MTERF4: variants seen among roughly 807,000 people sequenced by gnomAD.
MTERF4 encodes the protein mitochondrial transcription termination factor 4, also known as transcription termination factor 4, mitochondrial.
MTERF4 carries 17 observed loss-of-function variants against 22.5 expected under a neutral mutation model. The ratio of observed to expected loss-of-function variants is 0.75; its 90% CI spans 0.52 to 1.13. The LOEUF is 1.13. Ranked by LOEUF, MTERF4 falls within the 50% of genes most tolerant of loss-of-function variation. The pLI is 0.00. For missense variants in MTERF4, 420 were observed against 466.8 expected (o/e 0.90, Z 0.92); for synonymous variants, 165 against 175.3 (o/e 0.94, Z 0.47).
downstream of MTERF4, chr2:241,087,308 CT>C: frequency 7.6e-7 from 1 of 1,310,724 alleles, no homozygotes; most frequent in East Asian, 2.6e-5. Flanking sequence ...TTCAGGTTTA[CT>C]GTGGGTTCAC....
chr2:241,082,417 C>T (rs2063373272), downstream of MTERF4: 1 of 1,392,536 alleles, frequency 7.2e-7, no homozygotes, highest in Non-Finnish European at 1.0e-6. Context: ...GTTCTTGACT[C>T]CTCAAAGTGC....
At chr2:241,089,897 C>T (rs965248971), downstream of MTERF4, 42 of 1,512,586 alleles carry the variant, frequency 2.8e-5, no homozygotes, top group Non-Finnish European at 3.5e-5. Flanking sequence ...TGTAGGCGGT[C>T]GTAACACAGT....
At chr2:241,069,096 C>G, downstream of MTERF4, 2 of 1,034,746 alleles carry the variant, frequency 1.9e-6, no homozygotes, top group Non-Finnish European at 2.8e-6. This position sits in a 1 kb window ranked among gnomAD's most constrained non-coding sequence, Gnocchi z 4.9. Flanking sequence ...TCCAGCCTCC[C>G]CTAGTCCTCT....
Position 241,096,969 on chromosome 2 carries a change from T to G in MTERF4, c.705+274A>C. On this transcript the variant is annotated intron_variant, in intron 3 of 3. Coordinates refer to ENST00000391980, the MANE Select transcript of MTERF4 (RefSeq NM_182501.4). The surrounding 1 kb of genome is among the most constrained non-coding windows in gnomAD (Gnocchi z 5.1). Reference sequence around the variant, plus strand: ...TCATTCATTATTAATGGCAGAAAAGTTGAAGAATAGGTTTGATCTGTAGTA... The same window carrying G: ...TCATTCATTATTAATGGCAGAAAAGGTGAAGAATAGGTTTGATCTGTAGTA... 3.4e-6 allele frequency: 2 copies of G among 586,372 alleles called. No individual in the cohort carries two copies. The allele number at this position is 586,372 out of a possible 1,614,324, so 36.3% of individuals were successfully genotyped here.
At chr2:241,068,117 C>A (rs2062541868), downstream of MTERF4, among the ~76,000 whole-genome samples, 1 of 152,092 alleles carries the variant, frequency 6.6e-6, no homozygotes, top group Admixed American at 6.5e-5. This position sits in a 1 kb window ranked among gnomAD's most constrained non-coding sequence, Gnocchi z 5.3. Flanking sequence ...ACCCTGGAGG[C>A]TTCACTCCCG....
intron 4 of MTERF4, among the ~76,000 whole-genome samples, chr2:241,079,751 T>G (rs775595768): frequency 6.6e-6 from 1 of 152,136 alleles, no homozygotes; most frequent in Non-Finnish European, 1.5e-5. Context: ...GAAAAAAATA[T>G]CATTGCAAGC....
chr2:241,096,941 G>A lies in MTERF4; in HGVS notation c.705+302C>T. On this transcript the variant is annotated intron_variant, in intron 3 of 3. Transcript: ENST00000391980. This position sits in a 1 kb window ranked among gnomAD's most constrained non-coding sequence, Gnocchi z 5.1. Reference sequence around the variant, plus strand: ...CCACTTAGACTCTAAGAATAGGACTGGATCATTCATTATTAATGGCAGAAA... The same window carrying A: ...CCACTTAGACTCTAAGAATAGGACTAGATCATTCATTATTAATGGCAGAAA... 1.7e-6 allele frequency: 1 copy of A among 586,912 alleles called. No individual in the cohort carries two copies. The highest frequency in any genetic ancestry group is 2.8e-5 in the East Asian group (1 of 35,402). The allele number at this position is 586,912 out of a possible 1,614,324, so 36.4% of individuals were successfully genotyped here.
At chr2:241,082,597 C>T (rs1281166721), downstream of MTERF4, among the ~76,000 whole-genome samples, 2 of 152,338 alleles carry the variant, frequency 1.3e-5, no homozygotes, top group East Asian at 1.9e-4. Context: ...GAGAAGAACG[C>T]AGGCTCCTGG....
chr2:241,060,268 C>T, the MTERF4 span, among the ~76,000 whole-genome samples: 3 of 151,968 alleles, frequency 2.0e-5, no homozygotes, highest in East Asian at 5.8e-4. Context: ...CTGCAACCTC[C>T]GCCTCCCTGG....
chr2:241,073,306 C>T lies in MTERF4; in HGVS notation n.2856G>A, dbSNP rs1358716370. On this transcript the variant is annotated non_coding_transcript_exon_variant, in exon 5 of 5. Coordinates refer to the MTERF4 transcript ENST00000464344. This position sits in a 1 kb window ranked among gnomAD's most constrained non-coding sequence, Gnocchi z 6.6. Reference sequence around the variant, plus strand: ...CGCAGCTCGAGAACATGGAGGAAGCCCCCAAGCGGGTCAGCCTGGCCCTCC... The same window carrying T: ...CGCAGCTCGAGAACATGGAGGAAGCTCCCAAGCGGGTCAGCCTGGCCCTCC... The T allele has an allele frequency of 6.4e-7, 1 of 1,572,164 alleles. No individual in the cohort carries two copies. Among genetic ancestry groups the T allele is most frequent in the Non-Finnish European group, 8.6e-7 (1 of 1,160,024 alleles).
the MTERF4 span, among the ~76,000 whole-genome samples, chr2:241,047,708 G>C: frequency 6.6e-6 from 1 of 152,250 alleles, no homozygotes; most frequent in Non-Finnish European, 1.5e-5. Context: ...GCCCCTGGGT[G>C]GTCTCTCTGG....
At chr2:241,042,911 G>A in the MTERF4 span, among the ~76,000 whole-genome samples, 1 of 152,200 alleles carries the variant, frequency 6.6e-6, no homozygotes, top group Non-Finnish European at 1.5e-5. Context: ...AGTCTGCGAA[G>A]GAGGATGGAG....
Position 241,073,707 on chromosome 2 carries a change from A to G in MTERF4, n.2455T>C. The G allele has an allele frequency of 2.3e-6, 1 of 437,820 alleles. No homozygotes were observed. Among genetic ancestry groups the G allele is most frequent in the South Asian group, 6.1e-5 (1 of 16,340 alleles). The allele number at this position is 437,820 out of a possible 1,614,324, so 27.1% of individuals were successfully genotyped here. On this transcript the variant is annotated non_coding_transcript_exon_variant, in exon 5 of 5. Transcript: ENST00000464344. The surrounding 1 kb of genome is among the most constrained non-coding windows in gnomAD (Gnocchi z 6.6). ...CCCAGCCCCTGCCTCTGGGCCCCTCACCCCTCACTTCTCCAAAGAGGAGCA... is the reference window on the plus strand; with the variant it reads ...CCCAGCCCCTGCCTCTGGGCCCCTCGCCCCTCACTTCTCCAAAGAGGAGCA...
chr2:241,102,281 A>C lies in MTERF4; in HGVS notation c.-8T>G. On this transcript the variant is annotated 5_prime_UTR_variant, in exon 1 of 4. Coordinates refer to ENST00000391980, the MANE Select transcript of MTERF4 (RefSeq NM_182501.4). ...ACGGCCGAACGCAGCCATAGCGCGGAGAAGATGGCAGCAGTTACGGCGCCG... is the reference window on the plus strand; with the variant it reads ...ACGGCCGAACGCAGCCATAGCGCGGCGAAGATGGCAGCAGTTACGGCGCCG... 1 of 1,549,098 alleles carries C rather than the reference A, an allele frequency of 6.5e-7. No individual in the cohort carries two copies. The highest frequency in any genetic ancestry group is 1.2e-5 in the South Asian group (1 of 84,028).
chr2:241,065,941 G>A, the MTERF4 span, among the ~76,000 whole-genome samples: 18 of 151,766 alleles, frequency 1.2e-4, no homozygotes, highest in African/African-American at 3.2e-4. Flanking sequence ...GACAGGGGCC[G>A]CGGGGGTGGG....
intron 4 of MTERF4, among the ~76,000 whole-genome samples, chr2:241,076,952 G>C (rs531094438): frequency 6.6e-6 from 1 of 152,260 alleles, no homozygotes; most frequent in South Asian, 2.1e-4. Flanking sequence ...GGTGGCGGGC[G>C]CCTGTGGTCC....
exon 5 of MTERF4, chr2:241,074,648 T>C (rs2062936529): frequency 6.6e-6 from 1 of 152,188 alleles, no homozygotes; most frequent in African/African-American, 2.4e-5. Context: ...GCTCATGCCC[T>C]GGTGGGTGCA....
chr2:241,090,409 T>C (rs374005131), downstream of MTERF4: 15 of 1,548,880 alleles, frequency 9.7e-6, no homozygotes, highest in Middle Eastern at 1.8e-4. Flanking sequence ...CCTGAGGCCA[T>C]TTTATAGTTA....
the MTERF4 span, chr2:241,048,580 C>T: frequency 6.7e-7 from 1 of 1,496,694 alleles, no homozygotes; most frequent in Non-Finnish European, 9.1e-7. Flanking sequence ...GGGAAGTTGG[C>T]CAGGAGCAGG....
Sources: allele counts gnomAD v4.1 joint callset (sites outside exome capture counted in the v4.1 genomes callset), GRCh38; gene constraint gnomAD v4.1.1; non-coding constraint Gnocchi (gnomAD v3.1); transcripts MANE v1.5; gene names NCBI Gene and HGNC (gene_info 2026-07-23, HGNC 2026-07-21).